The following ABCC8 variants were observed in gnomAD, a reference collection of about 807,000 sequenced individuals.
The protein encoded by ABCC8 is ATP-binding cassette sub-family C member 8.
In ABCC8, 137 loss-of-function variants were observed where a neutral mutation model predicts 188.0. That is an observed-to-expected ratio of 0.73 (90% CI 0.63 to 0.84). The LOEUF (loss-of-function observed/expected upper bound fraction) is 0.84, where lower values mean the gene tolerates loss of function less well. Among genes scored for constraint, ABCC8 ranks in the 40% least tolerant of loss-of-function variants. The pLI, the probability that ABCC8 is intolerant of heterozygous loss-of-function variation, is 0.00. For synonymous variants in ABCC8, 797 were observed against 846.5 expected, an observed-to-expected ratio of 0.94 and a Z score of 1.01; for missense variants, 1,750 against 2,072.7, an observed-to-expected ratio of 0.84 and a Z score of 3.02.
intron 6 of ABCC8, 69 bp downstream of exon 6, chr11:17,460,419 C>T: frequency 2.5e-6 from 4 of 1,609,832 alleles, no homozygotes; most frequent in Non-Finnish European, 3.4e-6. Flanking sequence ...ACACATTGGC[C>T]TGTTGCACTC....
intron 7 of ABCC8, 103 bp from the exon 8 acceptor site, chr11:17,448,774 C>T (rs1956642457): frequency 3.8e-6 from 6 of 1,591,818 alleles, no homozygotes; most frequent in Non-Finnish European, 4.3e-6. Context: ...TCAGACAGTC[C>T]CCATGGTGCC....
intron 7 of ABCC8, among the ~76,000 whole-genome samples, chr11:17,450,312 TTCTTTCTTTCTTTCTC>T (rs1564959336): frequency 0.011 from 1,347 of 126,308 alleles, 15 homozygotes; most frequent in South Asian, 0.016. Context: ...CTTTCTTTCT[TTCTTTCTTTCTTTCTC>T]TCTCTCTCTT....
In ABCC8 at chr11:17,470,175, G is replaced by A. The variant is rs2133711315; in HGVS notation, c.338C>T (p.Ala113Val). The A allele has an allele frequency of 3.7e-6, 6 of 1,614,152 alleles. No homozygotes were observed. The highest frequency in any genetic ancestry group is 5.1e-6 in the Non-Finnish European group (6 of 1,180,022). Residue 113 changes from alanine to valine, a missense_variant, in exon 3 of 39, where the codon GCG becomes GTG. Physicochemically the swap from Ala to Val is moderately conservative, Grantham distance 64. Coordinates refer to ENST00000389817, the MANE Select transcript of ABCC8 (RefSeq NM_000352.6). The stretch of plus-strand genomic sequence containing the variant: ...CACGGAGGTGACAGCAGCCATGAAC[G>A]CCATCCCGGCTGGCATGTACAGGTG... ...HLHLYMPAGM[A>V]FMAAVTSVVY...
At chr11:17,393,334 A>G in intron 38 of ABCC8, 1 of 726,808 alleles carries the variant, frequency 1.4e-6, no homozygotes, top group Non-Finnish European at 2.2e-6. Context: ...CTCCTCTCCA[A>G]GTCCCAACTC....
rs16934048 is a variant in ABCC8 at position 17,404,149 on chromosome 11, G to A, written c.3557+363C>T. The stretch of plus-strand genomic sequence containing the variant: ...ATAACACTGCTTGAATCAGGTGCCC[G>A]CCGATTTCATGCATCAGCAATCAGC... On this transcript the variant is annotated intron_variant, in intron 28 of 38. Coordinates refer to ENST00000389817, the MANE Select transcript of ABCC8 (RefSeq NM_000352.6). The surrounding 1 kb of genome is among the most constrained non-coding windows in gnomAD (Gnocchi z 4.7). Among the ~76,000 whole-genome samples the A allele has an allele frequency of 1.4e-4, 21 of 152,182 alleles. 1 individual carries two copies. The South Asian group carries it at 3.3e-3, about 24-fold the overall frequency.
At chr11:17,428,822 G>A in intron 12 of ABCC8, 152 bp from the exon 13 acceptor site, 1 of 1,415,746 alleles carries the variant, frequency 7.1e-7, no homozygotes, top group Non-Finnish European at 9.4e-7. Flanking sequence ...AGTGGGCATG[G>A]GGGCAGGTAA....
intron 29 of ABCC8, among the ~76,000 whole-genome samples, chr11:17,400,609 G>T (rs900784213): frequency 1.3e-5 from 2 of 152,158 alleles, no homozygotes; most frequent in African/African-American, 2.4e-5. Context: ...CTCCGAGCCC[G>T]CCACTGAGCC....
chr11:17,431,170 C>A, intron 11 of ABCC8: 1 of 744,188 alleles, frequency 1.3e-6, no homozygotes, highest in Non-Finnish European at 2.1e-6. Context: ...AGAGCAGGGG[C>A]TGCTCCCTCC....
intron 8 of ABCC8, among the ~76,000 whole-genome samples, chr11:17,443,890 T>A (rs1281175755): frequency 2.0e-5 from 3 of 152,210 alleles, no homozygotes; most frequent in Non-Finnish European, 4.4e-5. Flanking sequence ...CTTCTGAATA[T>A]TTATGAGAAG....
At chr11:17,399,275 C>CAAAA (rs57138230) in intron 29 of ABCC8, among the ~76,000 whole-genome samples, 19 of 58,538 alleles carry the variant, frequency 3.2e-4, no homozygotes, top group Non-Finnish European at 3.4e-4. Context: ...GACTCTGCCT[C>CAAAA]AAAAAAAAAA....
intron 6 of ABCC8, among the ~76,000 whole-genome samples, chr11:17,458,887 A>T (rs563307572): frequency 6.6e-6 from 1 of 152,236 alleles, no homozygotes; most frequent in Non-Finnish European, 1.5e-5. Context: ...CAATTCCCTG[A>T]ATATTCCTCC....
intron 6 of ABCC8, among the ~76,000 whole-genome samples, 191 bp downstream of exon 6, chr11:17,460,297 A>T (rs1957137348): frequency 6.6e-6 from 1 of 152,216 alleles, no homozygotes; most frequent in Non-Finnish European, 1.5e-5. Context: ...CTTGGGGCAT[A>T]GGCTCGCCCT....
chr11:17,475,244 G>T (rs1363940104), intron 1 of ABCC8, among the ~76,000 whole-genome samples: 1 of 152,184 alleles, frequency 6.6e-6, no homozygotes, highest in East Asian at 1.9e-4. Flanking sequence ...CTGAGACAGG[G>T]TCTTGCTCTG....
At chr11:17,455,043 T>C (rs2133650144) in intron 6 of ABCC8, among the ~76,000 whole-genome samples, 1 of 152,354 alleles carries the variant, frequency 6.6e-6, no homozygotes, top group East Asian at 1.9e-4. Context: ...GAGTCCACTA[T>C]TTTAAAGCAA....
chr11:17,406,952 A>G lies in ABCC8; in HGVS notation c.3098T>C (p.Leu1033Pro), dbSNP rs1954567467. The G allele has an allele frequency of 6.2e-7, 1 of 1,614,070 alleles. No homozygotes were observed. Among genetic ancestry groups the G allele is most frequent in the African/African-American group, 1.3e-5 (1 of 74,938 alleles). ...CAGGGCGCTGTCGGTCCACTTGGCC[A>G]GCCAGTAGTCGATGGCCACCAGGAC... ...HMVLVAIDYW[L>P]AKWTDSALTL... The change falls in exon 25 of 39, where the codon CTG becomes CCG. Residue 1033 changes from leucine to proline, a missense_variant. Physicochemically the swap from Leu to Pro is moderately conservative, Grantham distance 98 (BLOSUM62 -3). Transcript: ENST00000389817.
chr11:17,400,590 G>A (rs934535378), intron 29 of ABCC8, among the ~76,000 whole-genome samples: 2 of 152,148 alleles, frequency 1.3e-5, no homozygotes, highest in East Asian at 1.9e-4. Context: ...CTACATGAAC[G>A]AAAACAACCT....
In ABCC8 at chr11:17,413,452, G is replaced by A. The variant is rs1180483925; in HGVS notation, c.2417C>T (p.Ser806Phe). 2 of 1,614,030 alleles carry A rather than the reference G, an allele frequency of 1.2e-6. No homozygotes were observed. Among genetic ancestry groups the A allele is most frequent in the African/African-American group, 1.3e-5 (1 of 74,936 alleles). The change falls in exon 20 of 39, where the codon TCT (serine) becomes TTT (phenylalanine). Residue 806 changes from serine (S) to phenylalanine (F), a missense_variant. By Grantham distance (155) the Ser-to-Phe change is radical. Coordinates refer to ENST00000389817, the MANE Select transcript of ABCC8 (RefSeq NM_000352.6). Reference sequence around the variant, plus strand: ...CAGGATGTCGATGTCTGGCTGCAGAGAGCAGGCTTCAATGACCATCTTGTA... The same window carrying A: ...CAGGATGTCGATGTCTGGCTGCAGAAAGCAGGCTTCAATGACCATCTTGTA... ...QRYKMVIEAC[S>F]LQPDIDILPH... is the part of the protein sequence containing the mutation.
chr11:17,437,013 C>A (rs916170529), intron 10 of ABCC8, among the ~76,000 whole-genome samples: 4 of 146,736 alleles, frequency 2.7e-5, no homozygotes, highest in Non-Finnish European at 4.4e-5. Context: ...ATCGCTTGAA[C>A]CCAGGAGGCG....
In ABCC8 at chr11:17,413,457, G is replaced by T; in HGVS notation, c.2412C>A (p.Ala804=). The change falls in exon 20 of 39, where the codon GCC becomes GCA. Residue 804 remains alanine (A), a synonymous_variant. Transcript: ENST00000389817. The part of the protein sequence containing the change: ...NKQRYKMVIE[A]CSLQPDIDIL... ...TGTCGATGTCTGGCTGCAGAGAGCA[G>T]GCTTCAATGACCATCTTGTACCTGG... The T allele has an allele frequency of 6.2e-7, 1 of 1,614,140 alleles. No individual in the cohort carries two copies. The highest frequency in any genetic ancestry group is 8.5e-7 in the Non-Finnish European group (1 of 1,180,040).
Sources: allele counts gnomAD v4.1 joint callset (sites outside exome capture counted in the v4.1 genomes callset), GRCh38; gene constraint gnomAD v4.1.1; non-coding constraint Gnocchi (gnomAD v3.1); transcripts MANE v1.5; gene names NCBI Gene and HGNC (gene_info 2026-07-23, HGNC 2026-07-21).